MGA: variants seen among roughly 807,000 people sequenced by gnomAD.
MGA encodes MAX gene-associated protein.
In MGA, 40 loss-of-function variants were observed where a neutral mutation model predicts 261.1. The ratio of observed to expected loss-of-function variants is 0.15; its 90% CI spans 0.12 to 0.20. MGA has a LOEUF of 0.20. MGA is among the 10% of genes least tolerant of loss of function. MGA has a pLI of 1.00. For missense variants in MGA, 3,397 were observed against 3,630.5 expected, an observed-to-expected ratio of 0.94 and a Z score of 1.65; for synonymous variants, 1,302 against 1,290.6, an observed-to-expected ratio of 1.01 and a Z score of -0.19.
At position 41,748,757 on chromosome 15, in the gene MGA, C is replaced by T; in HGVS notation, c.5333C>T (p.Ser1778Leu). Residue 1778 changes from serine to leucine, a missense_variant, in exon 16 of 24, where the codon TCA becomes TTA. Physicochemically the swap from Ser to Leu is moderately radical, Grantham distance 145 (BLOSUM62 -2). Around this residue, in one of 9 missense-constraint regions of MGA, gnomAD observed 1,410 missense variants for 1,386.4 expected, o/e 1.02. Transcript: ENST00000219905. ...GGTTCTCCTACTCTTAGACCTGTCT[C>T]AAACACACAACTTCAGGGACATCGG... 1 of 1,613,952 alleles carries T rather than the reference C, an allele frequency of 6.2e-7. No homozygotes were observed. The highest frequency in any genetic ancestry group is 8.5e-7 in the Non-Finnish European group (1 of 1,179,884).
chr15:41,763,681 TGTG>T (rs561430927), intron 22 of MGA, among the ~76,000 whole-genome samples: 80 of 151,706 alleles, frequency 5.3e-4, no homozygotes, highest in Non-Finnish European at 1.0e-3. Context: ...AGGTGGAAGT[TGTG>T]GTGAGCTGAG....
chr15:41,673,660 A>C (rs1355288360), intron 2 of MGA, among the ~76,000 whole-genome samples: 2 of 146,292 alleles, frequency 1.4e-5, no homozygotes, highest in Non-Finnish European at 3.0e-5. Context: ...CTCCTGCCTC[A>C]GCCTCTGGAG....
chr15:41,707,620 C>T (rs1459319193), intron 5 of MGA, 108 bp from the exon 6 acceptor site: 1 of 1,063,604 alleles, frequency 9.4e-7, no homozygotes, highest in Non-Finnish European at 1.3e-6. Context: ...TCCTTTCTCT[C>T]TCGACCTTAC....
intron 1 of MGA, among the ~76,000 whole-genome samples, chr15:41,633,352 G>GTTTTTT (rs1566923971): frequency 2.1e-5 from 2 of 93,988 alleles, no homozygotes; most frequent in Non-Finnish European, 2.3e-5. Context: ...CCCTCCTATG[G>GTTTTTT]TATTTTTTTT....
intron 1 of MGA, among the ~76,000 whole-genome samples, chr15:41,650,765 A>T (rs2057026508): frequency 6.6e-6 from 1 of 152,166 alleles, no homozygotes; most frequent in African/African-American, 2.4e-5. Context: ...TATACCTCTT[A>T]TAAATATTTG....
chr15:41,647,059 G>A (rs2056948332), intron 1 of MGA, among the ~76,000 whole-genome samples: 1 of 152,116 alleles, frequency 6.6e-6, no homozygotes, highest in African/African-American at 2.4e-5. Flanking sequence ...ATGTTCTCCA[G>A]GGCTATTTTC....
intron 2 of MGA, among the ~76,000 whole-genome samples, chr15:41,687,962 T>C (rs1436687492): frequency 6.6e-6 from 1 of 152,244 alleles, no homozygotes; most frequent in Non-Finnish European, 1.5e-5. Context: ...CTATAGATTT[T>C]TGCTTCAAAT....
chr15:41,690,247 A>G (rs1468767850), intron 2 of MGA, among the ~76,000 whole-genome samples: 2 of 152,164 alleles, frequency 1.3e-5, no homozygotes, highest in African/African-American at 4.8e-5. Flanking sequence ...TTTAAGGTTC[A>G]TCCATGTGTA....
chr15:41,756,228 A>G (rs554030966), intron 18 of MGA, among the ~76,000 whole-genome samples: 2 of 152,346 alleles, frequency 1.3e-5, no homozygotes, highest in African/African-American at 4.8e-5. Flanking sequence ...AGTCAGTAAG[A>G]AAAAGATGAC....
At position 41,768,953 on chromosome 15, in the gene MGA, G is replaced by C. The variant is rs942739909; in HGVS notation, c.*1673G>C. Reference sequence around the variant, plus strand: ...TTGTGCTGCTTGCCTTTCTAGATCTGCTCATCAGCACTTAACCTTCCCTCC... The same window carrying C: ...TTGTGCTGCTTGCCTTTCTAGATCTCCTCATCAGCACTTAACCTTCCCTCC... On this transcript the variant is annotated 3_prime_UTR_variant, in exon 24 of 24. Transcript: ENST00000219905. The C allele has an allele frequency of 6.6e-6, 1 of 152,488 alleles. No homozygotes were observed. Among genetic ancestry groups the C allele is most frequent in the African/African-American group, 2.4e-5 (1 of 41,406 alleles). The allele number at this position is 152,488 out of a possible 1,614,324, so 9.4% of individuals were successfully genotyped here. A position where few individuals can be genotyped will look rare whatever the true frequency, so the allele number is the denominator to read the frequency against.
At position 41,767,484 on chromosome 15, in the gene MGA, C is replaced by G; in HGVS notation, c.*204C>G. 1.7e-6 allele frequency: 1 copy of G among 605,070 alleles called. No individual in the cohort carries two copies. Among genetic ancestry groups the G allele is most frequent in the South Asian group, 2.2e-5 (1 of 45,738 alleles). The allele number at this position is 605,070 out of a possible 1,614,324, so 37.5% of individuals were successfully genotyped here. On this transcript the variant is annotated 3_prime_UTR_variant, in exon 24 of 24. Coordinates refer to ENST00000219905, the MANE Select transcript of MGA (RefSeq NM_001164273.2). ...TTCTGATCATGTTAAAATGTGTTAC[C>G]TCACTTGTGGTGCTGGGTCCCCTCA...
chr15:41,764,670 A>G (rs2063703193), intron 22 of MGA, among the ~76,000 whole-genome samples: 1 of 152,058 alleles, frequency 6.6e-6, no homozygotes, highest in Non-Finnish European at 1.5e-5. Flanking sequence ...AGTAGCTGGG[A>G]CCACAGGTGC....
intron 17 of MGA, chr15:41,751,213 T>A (rs1385803108): frequency 6.6e-6 from 1 of 152,302 alleles, no homozygotes; most frequent in African/African-American, 2.4e-5. Context: ...TTTTTATTAT[T>A]TTCCTGAAGT....
Position 41,703,311 on chromosome 15 carries a change from T to C in MGA, c.2188+4152T>C, listed in dbSNP as rs1400135188. ...CATACATTAACATGATTTATCACTA[T>C]TGATGTTGACCTTGATCACCTGGCT... On this transcript the variant is annotated intron_variant, in intron 5 of 23. Coordinates refer to ENST00000219905, the MANE Select transcript of MGA (RefSeq NM_001164273.2). Among the ~76,000 whole-genome samples, 3 of 151,556 alleles carry C rather than the reference T, an allele frequency of 2.0e-5. No homozygotes were observed. The Admixed American group carries it at 2.0e-4, about 10-fold the overall frequency.
Position 41,713,286 on chromosome 15 carries a change from C to G in MGA, c.3220C>G (p.Pro1074Ala), listed in dbSNP as rs1404285674. The G allele has an allele frequency of 6.2e-7, 1 of 1,613,820 alleles. No homozygotes were observed. Among genetic ancestry groups the G allele is most frequent in the Non-Finnish European group, 8.5e-7 (1 of 1,179,878 alleles). Reference sequence around the variant, plus strand: ...GCGCCAACCTGCTCACTGCCGCCGACCAGACTGCATGTTTGGTTGTACTTG... The same window carrying G: ...GCGCCAACCTGCTCACTGCCGCCGAGCAGACTGCATGTTTGGTTGTACTTG... Residue 1074 changes from proline to alanine, a missense_variant, in exon 9 of 24, where the codon CCA becomes GCA. Physicochemically the swap from Pro to Ala is conservative, Grantham distance 27. Transcript: ENST00000219905.
At chr15:41,684,428 A>T (rs2058838488) in intron 2 of MGA, 1 of 449,544 alleles carries the variant, frequency 2.2e-6, no homozygotes, top group Non-Finnish European at 4.5e-6. Flanking sequence ...GATAGAAGAG[A>T]CTTCTCAGAA....
intron 8 of MGA, 61 bp from the exon 9 acceptor site, chr15:41,713,090 A>T: frequency 1.3e-6 from 2 of 1,571,326 alleles, no homozygotes; most frequent in Non-Finnish European, 1.7e-6. Context: ...ATATGACCAT[A>T]AGTTGGTGGT....
intron 15 of MGA, among the ~76,000 whole-genome samples, chr15:41,747,950 G>T (rs1268707455): frequency 6.6e-6 from 1 of 152,160 alleles, no homozygotes; most frequent in Non-Finnish European, 1.5e-5. Flanking sequence ...GTTATTTGAA[G>T]CAAGGTCAGA....
At chr15:41,629,531 C>T (rs1468169499) in intron 1 of MGA, among the ~76,000 whole-genome samples, 1 of 151,936 alleles carries the variant, frequency 6.6e-6, no homozygotes, top group Non-Finnish European at 1.5e-5. Context: ...TATAGAACTG[C>T]CAGCCTCTGC....
Sources: gnomAD v4.1 joint callset for allele counts (sites outside exome capture counted in the v4.1 genomes callset) on GRCh38, gnomAD v4.1.1 for gene constraint, gnomAD v4.1.1 regional missense constraint, MANE v1.5 for transcripts, NCBI Gene and HGNC (gene_info 2026-07-23, HGNC 2026-07-21) for gene names.